The following ERICH1 variants were observed in gnomAD, a reference collection of about 807,000 sequenced individuals.
ERICH1 encodes glutamate-rich protein 1.
A neutral mutation model predicts 39.6 loss-of-function variants in ERICH1; 56 were observed. The observed-to-expected ratio is 1.41, with a 90% CI of 1.14 to 1.77. The LOEUF (loss-of-function observed/expected upper bound fraction) is 1.77, where lower values mean the gene tolerates loss of function less well. Among genes scored for constraint, ERICH1 ranks in the 40% most tolerant of loss-of-function variants. The probability of loss-of-function intolerance (pLI) is 0.00; values close to 1 mark genes in which losing one functional copy is unlikely to be tolerated. For missense variants in ERICH1, 826 were observed against 575.4 expected (o/e 1.44, Z -4.45); for synonymous variants, 313 against 223.6 (o/e 1.40, Z -3.57).
Position 713,440 on chromosome 8 carries a change from T to G in ERICH1, c.169+2421A>C, listed in dbSNP as rs565692198. On this transcript the variant is annotated intron_variant, in intron 2 of 5. Transcript: ENST00000262109. ...AACATTAAGCCATATGGGAAAAATG[T>G]AGAAAAGAACATGGAATACACGGAT... 2.1e-4 allele frequency among the ~76,000 whole-genome samples: 32 copies of G among 152,262 alleles called. No individual in the cohort carries two copies. The South Asian group carries it at 6.4e-3, about 31-fold the overall frequency.
At chr8:698,282 G>A (rs1448845141) in intron 2 of ERICH1, among the ~76,000 whole-genome samples, 1 of 150,072 alleles carries the variant, frequency 6.7e-6, no homozygotes, top group Non-Finnish European at 1.5e-5. Flanking sequence ...GCAGCGGCTC[G>A]ATCTCCGCTC....
At chr8:728,641 G>T (rs144048016) in intron 1 of ERICH1, among the ~76,000 whole-genome samples, 1 of 152,308 alleles carries the variant, frequency 6.6e-6, no homozygotes, top group African/African-American at 2.4e-5. Flanking sequence ...AGGCCATAGT[G>T]CCCTTCCCCT....
intron 4 of ERICH1, among the ~76,000 whole-genome samples, chr8:670,677 T>C (rs1348303463): frequency 6.6e-6 from 1 of 152,168 alleles, no homozygotes; most frequent in Non-Finnish European, 1.5e-5. Flanking sequence ...CTTCTCATCT[T>C]CCACCCACAG....
chr8:714,828 A>G (rs570466536), intron 2 of ERICH1, among the ~76,000 whole-genome samples: 1 of 143,456 alleles, frequency 7.0e-6, no homozygotes, highest in African/African-American at 2.6e-5. Context: ...TTCTCATCCC[A>G]CGTCTCTCAG....
chr8:670,902 G>A (rs927921513), intron 4 of ERICH1, among the ~76,000 whole-genome samples: 6 of 149,680 alleles, frequency 4.0e-5, no homozygotes, highest in African/African-American at 9.9e-5. Context: ...CTCTGAACCC[G>A]CCGGCCCCTG....
chr8:701,762 C>A (rs1812203181), intron 2 of ERICH1, among the ~76,000 whole-genome samples: 1 of 152,086 alleles, frequency 6.6e-6, no homozygotes, highest in African/African-American at 2.4e-5. Flanking sequence ...CACATTATAT[C>A]AACTTCTAAA....
intron 3 of ERICH1, among the ~76,000 whole-genome samples, chr8:624,201 T>C (rs1797459008): frequency 6.6e-6 from 1 of 151,880 alleles, no homozygotes; most frequent in African/African-American, 2.4e-5. Flanking sequence ...AGACATCAGC[T>C]CAAACCTGTG....
intron 3 of ERICH1, among the ~76,000 whole-genome samples, chr8:653,566 C>G (rs1563191140): frequency 6.6e-6 from 1 of 152,212 alleles, no homozygotes; most frequent in Non-Finnish European, 1.5e-5. Context: ...TCCCTGGAGT[C>G]TCTCTGAATC....
At chr8:624,703 T>C (rs1238544012) in intron 3 of ERICH1, among the ~76,000 whole-genome samples, 1 of 151,890 alleles carries the variant, frequency 6.6e-6, no homozygotes, top group Admixed American at 6.6e-5. Flanking sequence ...CTACACACTT[T>C]TTTTTTTATA....
intron 1 of ERICH1, among the ~76,000 whole-genome samples, chr8:716,537 C>T (rs1218045022): frequency 6.6e-6 from 1 of 152,320 alleles, no homozygotes; most frequent in Middle Eastern, 3.4e-3. Flanking sequence ...TCAACAACTG[C>T]GAATGGGGAG....
At chr8:636,812 C>G (rs903386329) in intron 3 of ERICH1, among the ~76,000 whole-genome samples, 1 of 152,250 alleles carries the variant, frequency 6.6e-6, no homozygotes, top group Non-Finnish European at 1.5e-5. Flanking sequence ...GCTCTGGGCT[C>G]TGCCCTCCCG....
chr8:683,191 C>A (rs758444047), intron 3 of ERICH1, among the ~76,000 whole-genome samples: 1 of 152,204 alleles, frequency 6.6e-6, no homozygotes, highest in Non-Finnish European at 1.5e-5. Context: ...CAGGGATGGA[C>A]AAGCGGTGGC....
chr8:677,084 G>A (rs1018411008), intron 3 of ERICH1, among the ~76,000 whole-genome samples: 6 of 152,232 alleles, frequency 3.9e-5, no homozygotes, highest in African/African-American at 1.4e-4. Flanking sequence ...CCCAGGGCCT[G>A]CCCGCATGCT....
At chr8:642,257 G>A (rs763850259) in intron 3 of ERICH1, among the ~76,000 whole-genome samples, 4 of 151,492 alleles carry the variant, frequency 2.6e-5, no homozygotes, top group Non-Finnish European at 5.9e-5. Flanking sequence ...ACTGCTAACT[G>A]CAATTTGCTT....
chr8:701,650 T>TA, intron 2 of ERICH1, among the ~76,000 whole-genome samples: 1 of 152,364 alleles, frequency 6.6e-6, no homozygotes, highest in South Asian at 2.1e-4. Context: ...ATGATACGTG[T>TA]ATTTTTTTGC....
Position 716,138 on chromosome 8 carries a change from G to A in ERICH1, c.23-131C>T. On this transcript the variant is annotated intron_variant, in intron 1 of 5. Transcript: ENST00000262109. ...GCACCAACGGAGACCCAAGTCCCTG[G>A]TCCTCCCACGCTGGGCACTGCACAC... 3 of 1,134,828 alleles carry A rather than the reference G, an allele frequency of 2.6e-6. No individual in the cohort carries two copies. The South Asian group carries it at 5.4e-5, about 20-fold the overall frequency. 70.3% of individuals were successfully genotyped at this position (1,134,828 alleles called of 1,614,324 possible). A position where few individuals can be genotyped will look rare whatever the true frequency, so the allele number is the denominator to read the frequency against.
At chr8:689,661 G>A (rs1278859573) in intron 3 of ERICH1, among the ~76,000 whole-genome samples, 1 of 152,164 alleles carries the variant, frequency 6.6e-6, no homozygotes, top group Non-Finnish European at 1.5e-5. Context: ...AAATTACATG[G>A]CTGGACTTGT....
intron 1 of ERICH1, among the ~76,000 whole-genome samples, chr8:720,088 T>C (rs1328442064): frequency 6.6e-6 from 1 of 152,240 alleles, no homozygotes; most frequent in Non-Finnish European, 1.5e-5. Flanking sequence ...TCTTGTCTTC[T>C]GAACACAAAA....
In ERICH1 at chr8:715,904, C is replaced by T. The variant is rs1329431229; in HGVS notation, c.126G>A (p.Val42=). 1 of 1,613,818 alleles carries T rather than the reference C, an allele frequency of 6.2e-7. No homozygotes were observed. The highest frequency in any genetic ancestry group is 1.3e-5 in the African/African-American group (1 of 74,928). Residue 42 remains valine (V), a synonymous_variant, in exon 2 of 6, where the codon GTG becomes GTA. Transcript: ENST00000262109. ...GTTTCTGGCTCACTTTCTCAGAGGTCACTTTCTTTGGTGGATTTTGGACGG... is the reference window on the plus strand; with the variant it reads ...GTTTCTGGCTCACTTTCTCAGAGGTTACTTTCTTTGGTGGATTTTGGACGG... ...TLAVQNPPKK[V]TSEKVSQKHA...
Sources: allele counts gnomAD v4.1 joint callset (sites outside exome capture counted in the v4.1 genomes callset), GRCh38; gene constraint gnomAD v4.1.1; transcripts MANE v1.5; gene names NCBI Gene and HGNC (gene_info 2026-07-23, HGNC 2026-07-21).